Variants in ASB3 observed in about 807,000 individuals in gnomAD.
ASB3 encodes ankyrin repeat and SOCS box protein 3.
Under a neutral mutation model 54.5 loss-of-function variants are expected in ASB3, and 41 were observed. The ratio of observed to expected loss-of-function variants is 0.75; its 90% CI spans 0.59 to 0.98. ASB3 has a LOEUF of 0.98. ASB3 is among the 50% of genes least tolerant of loss of function. The pLI, the probability that ASB3 is intolerant of heterozygous loss-of-function variation, is 0.00. For missense variants in ASB3, 733 were observed against 620.0 expected, an observed-to-expected ratio of 1.18 and a Z score of -1.94; for synonymous variants, 266 against 221.2, an observed-to-expected ratio of 1.20 and a Z score of -1.80.
At position 53,708,495 on chromosome 2, in the gene ASB3, T is replaced by C. The variant is rs112251102; in HGVS notation, c.980+5889A>G. Among the ~76,000 whole-genome samples, 913 of 152,336 alleles carry C rather than the reference T, an allele frequency of 6.0e-3. 12 individuals are homozygous for C. The highest frequency in any genetic ancestry group is 0.021 in the African/African-American group (871 of 41,572). ...AAAATTGGCACTGAAGAGTGGGGCA[T>C]TGCTATAAAGATACCTAAAAATGTG... On this transcript the variant is annotated intron_variant, in intron 7 of 9. Transcript: ENST00000263634.
At chr2:53,723,214 G>T (rs111623569) in intron 5 of ASB3, among the ~76,000 whole-genome samples, 3 of 151,944 alleles carry the variant, frequency 2.0e-5, no homozygotes, top group African/African-American at 7.3e-5. Flanking sequence ...AACGGAAAAC[G>T]CTGCTCACGG....
At chr2:53,683,839 G>C (rs1341921472) in intron 9 of ASB3, among the ~76,000 whole-genome samples, 1 of 151,868 alleles carries the variant, frequency 6.6e-6, no homozygotes, top group Non-Finnish European at 1.5e-5. Flanking sequence ...ATTTTATTTG[G>C]ATCTTTTTTT....
chr2:53,749,813 A>G (rs1672419746), intron 3 of ASB3, among the ~76,000 whole-genome samples: 1 of 152,060 alleles, frequency 6.6e-6, no homozygotes, highest in African/African-American at 2.4e-5. Context: ...TGGCAGCATG[A>G]TGGAATTTTG....
At chr2:53,683,795 G>C (rs1053063415) in intron 9 of ASB3, among the ~76,000 whole-genome samples, 2 of 151,842 alleles carry the variant, frequency 1.3e-5, no homozygotes, top group African/African-American at 4.8e-5. Context: ...GAATTTCTAC[G>C]GTATCGGTTA....
chr2:53,678,876 C>T (rs1227880179), intron 9 of ASB3, among the ~76,000 whole-genome samples: 2 of 152,174 alleles, frequency 1.3e-5, no homozygotes, highest in African/African-American at 4.8e-5. Context: ...GTCTGGGGGG[C>T]AATGTTAGCA....
At chr2:53,697,089 C>G (rs1669222713) in intron 8 of ASB3, among the ~76,000 whole-genome samples, 1 of 152,178 alleles carries the variant, frequency 6.6e-6, no homozygotes, top group Non-Finnish European at 1.5e-5. Flanking sequence ...TGGCCAAACC[C>G]CATCAAAACG....
At chr2:53,743,215 G>A (rs993045950) in intron 3 of ASB3, among the ~76,000 whole-genome samples, 11 of 146,976 alleles carry the variant, frequency 7.5e-5, no homozygotes, top group African/African-American at 2.8e-4. Flanking sequence ...CTGTTGCCCA[G>A]GCTGGTCTCG....
intron 1 of ASB3, among the ~76,000 whole-genome samples, chr2:53,785,836 T>C (rs893014030): frequency 4.2e-4 from 64 of 152,056 alleles, no homozygotes; most frequent in Middle Eastern, 3.2e-3. Flanking sequence ...AGCGAGACTT[T>C]GTCTCAAAAC....
rs139248992 is a variant in ASB3, at chr2:53,742,107, T to C, written c.355+8676A>G. On this transcript the variant is annotated intron_variant, in intron 3 of 9. Coordinates refer to ENST00000263634, the MANE Select transcript of ASB3 (RefSeq NM_016115.5). ...GTTGAAATCCGAAAATCAGAGGGAC[T>C]GGATCCAAAAAAAGAATCACACAAA... is the stretch of plus-strand genomic sequence containing the variant. Among the ~76,000 whole-genome samples, 523 of 152,278 alleles carry C rather than the reference T, an allele frequency of 3.4e-3. 5 individuals carry two copies. Among genetic ancestry groups the C allele is most frequent in the African/African-American group, 0.012 (502 of 41,554 alleles).
At chr2:53,734,107 C>T (rs949504005) in intron 3 of ASB3, among the ~76,000 whole-genome samples, 2 of 152,226 alleles carry the variant, frequency 1.3e-5, no homozygotes, top group African/African-American at 4.8e-5. Context: ...GGTAAACCCA[C>T]ATCCTTCCAG....
intron 7 of ASB3, among the ~76,000 whole-genome samples, chr2:53,702,011 C>A (rs1365797420): frequency 6.6e-6 from 1 of 152,106 alleles, no homozygotes; most frequent in Non-Finnish European, 1.5e-5. Flanking sequence ...TTATTTAATC[C>A]TGTACTTCCC....
intron 9 of ASB3, among the ~76,000 whole-genome samples, chr2:53,686,493 C>A (rs563133788): frequency 1.3e-5 from 2 of 152,230 alleles, no homozygotes; most frequent in African/African-American, 4.8e-5. Context: ...TCCTTCTAAT[C>A]TTGTTCAGTT....
At chr2:53,694,081 A>C (rs1669058829) in intron 8 of ASB3, 67 bp from the exon 9 acceptor site, 1 of 1,569,308 alleles carries the variant, frequency 6.4e-7, no homozygotes, top group Non-Finnish European at 8.7e-7. Context: ...CTTGAAACAA[A>C]CACCACATAC....
In ASB3 at chr2:53,703,601, A is replaced by C. The variant is rs925989186; in HGVS notation, c.981-3073T>G. Among the ~76,000 whole-genome samples the C allele has an allele frequency of 2.2e-4, 34 of 152,232 alleles. 8 individuals carry two copies. The highest frequency in any genetic ancestry group is 2.2e-3 in the Admixed American group (33 of 15,284). Reference sequence around the variant, plus strand: ...GCAACAGAGTGAAATTCTATCTCAAAACAACAAGAATAAAGAAAATCCAAA... The same window carrying C: ...GCAACAGAGTGAAATTCTATCTCAACACAACAAGAATAAAGAAAATCCAAA... On this transcript the variant is annotated intron_variant, in intron 7 of 9. Coordinates refer to ENST00000263634, the MANE Select transcript of ASB3 (RefSeq NM_016115.5).
In ASB3 at chr2:53,700,391, G is replaced by T. The variant is rs1326389861; in HGVS notation, c.1118C>A (p.Pro373Gln). ...TACAAATTCATATATATGGTTCCAT[G>T]GTCCCAATGAGCAACCTTTCCTCAA... ...YFLRKGCSLG[P>Q]WNHIYEFVNH... The change falls in exon 8 of 10, where the codon CCA becomes CAA. Residue 373 changes from proline to glutamine, a missense_variant. Coordinates refer to ENST00000263634, the MANE Select transcript of ASB3 (RefSeq NM_016115.5). 6.2e-7 allele frequency: 1 copy of T among 1,613,920 alleles called. No individual in the cohort carries two copies. Among genetic ancestry groups the T allele is most frequent in the East Asian group, 2.2e-5 (1 of 44,876 alleles).
intron 9 of ASB3, among the ~76,000 whole-genome samples, chr2:53,691,594 C>A (rs930237508): frequency 3.3e-5 from 5 of 152,056 alleles, no homozygotes; most frequent in Admixed American, 1.3e-4. Flanking sequence ...AGTATTAAAA[C>A]CCTGATCATG....
intron 1 of ASB3, among the ~76,000 whole-genome samples, chr2:53,777,138 G>T (rs890519215): frequency 6.6e-6 from 1 of 152,050 alleles, no homozygotes; most frequent in Non-Finnish European, 1.5e-5. Context: ...ACTGTAACTG[G>T]AAAAACCACC....
intron 8 of ASB3, chr2:53,694,246 A>G (rs1669067977): frequency 2.5e-6 from 1 of 408,160 alleles, no homozygotes; most frequent in African/African-American, 2.0e-5. Flanking sequence ...AGAGATGACA[A>G]GAGGAACCTC....
chr2:53,774,550 A>G (rs1156953454), intron 1 of ASB3: 5 of 1,470,818 alleles, frequency 3.4e-6, no homozygotes, highest in Non-Finnish European at 4.6e-6. Context: ...AATTAACTTC[A>G]GTGCACAATG....
Sources: gnomAD v4.1 joint callset for allele counts (sites outside exome capture counted in the v4.1 genomes callset) on GRCh38, gnomAD v4.1.1 for gene constraint, MANE v1.5 for transcripts, NCBI Gene and HGNC (gene_info 2026-07-23, HGNC 2026-07-21) for gene names.